The following MEGF11 variants were observed in gnomAD, a reference collection of about 807,000 sequenced individuals.
The protein encoded by MEGF11 is multiple epidermal growth factor-like domains protein 11.
MEGF11 carries 126 observed loss-of-function variants against 146.6 expected under a neutral mutation model. The observed-to-expected ratio is 0.86, with a 90% CI of 0.74 to 1.00. The LOEUF (loss-of-function observed/expected upper bound fraction) is 1.00, where lower values mean the gene tolerates loss of function less well. Among genes scored for constraint, MEGF11 ranks in the 50% least tolerant of loss-of-function variants. MEGF11 has a pLI of 0.00. For missense variants in MEGF11, 1,509 were observed against 1,521.2 expected, an observed-to-expected ratio of 0.99 and a Z score of 0.13; for synonymous variants, 532 against 583.4, an observed-to-expected ratio of 0.91 and a Z score of 1.27.
intron 15 of MEGF11, chr15:65,921,645 G>C (rs1324522050): frequency 6.6e-6 from 1 of 152,302 alleles, no homozygotes; most frequent in African/African-American, 2.4e-5. Context: ...CAATATTTGG[G>C]AATTTTGTGA....
chr15:65,927,823 C>T (rs930616022), intron 13 of MEGF11, among the ~76,000 whole-genome samples: 2 of 152,144 alleles, frequency 1.3e-5, no homozygotes, highest in Non-Finnish European at 2.9e-5. Context: ...ATCCCGTGGG[C>T]CCTGGGCCAT....
chr15:66,006,870 G>C (rs2082536587), intron 5 of MEGF11, among the ~76,000 whole-genome samples: 1 of 152,216 alleles, frequency 6.6e-6, no homozygotes. Context: ...CACATAATGG[G>C]AGGGAGACCT....
intron 5 of MEGF11, among the ~76,000 whole-genome samples, chr15:66,083,738 A>G (rs1474499491): frequency 1.3e-5 from 2 of 152,200 alleles, no homozygotes; most frequent in East Asian, 3.9e-4. Context: ...ACATAGTGAG[A>G]TCCTGTATTT....
chr15:66,000,930 A>G (rs950207376), intron 5 of MEGF11, among the ~76,000 whole-genome samples: 1 of 152,062 alleles, frequency 6.6e-6, no homozygotes, highest in African/African-American at 2.4e-5. Context: ...CTGGAGGGAG[A>G]GTGGGCTTAA....
At chr15:65,938,415 G>A (rs1202116561) in intron 10 of MEGF11, among the ~76,000 whole-genome samples, 1 of 152,208 alleles carries the variant, frequency 6.6e-6, no homozygotes, top group Non-Finnish European at 1.5e-5. Flanking sequence ...TGCCACCTAA[G>A]CACAGAGCAA....
chr15:66,245,547 G>A (rs983524163), intron 1 of MEGF11, among the ~76,000 whole-genome samples: 1 of 151,832 alleles, frequency 6.6e-6, no homozygotes, highest in East Asian at 1.9e-4. Context: ...CGGGAAGATA[G>A]CTTGAGCCCA....
Position 65,982,209 on chromosome 15 carries a change from TCCCGCCCCTCCA to T in MEGF11, c.641+21_641+32del, listed in dbSNP as rs1202420963. On this transcript the variant is annotated intron_variant, in intron 6 of 25. Coordinates refer to ENST00000395614, the MANE Select transcript of MEGF11 (RefSeq NM_001385028.1). The surrounding 1 kb of genome is among the most constrained non-coding windows in gnomAD (Gnocchi z 5.6). ...ACCCTCCAGGTCCCGCCCCTCCAGG[TCCCGCCCCTCCA>T]GGTCCTGCCGCATGACTCACTAGAC... is the stretch of plus-strand genomic sequence containing the variant. 4.0e-6 allele frequency: 5 copies of T among 1,250,768 alleles called. No homozygotes were observed. In the African/African-American group the frequency reaches 8.4e-5, roughly 21 times the overall value. The allele number at this position is 1,250,768 out of a possible 1,614,324, so 77.5% of individuals were successfully genotyped here.
intron 7 of MEGF11, among the ~76,000 whole-genome samples, chr15:65,976,371 G>A (rs2081447491): frequency 6.6e-6 from 1 of 152,162 alleles, no homozygotes; most frequent in Non-Finnish European, 1.5e-5. Context: ...TTAACCTCCA[G>A]TACCTCAGAA....
chr15:66,055,767 C>T (rs564761296), intron 5 of MEGF11, among the ~76,000 whole-genome samples: 12 of 152,254 alleles, frequency 7.9e-5, no homozygotes, highest in African/African-American at 1.9e-4. Flanking sequence ...AAGCCTCACG[C>T]GGCCGCACTG....
intron 5 of MEGF11, among the ~76,000 whole-genome samples, chr15:66,074,600 G>A (rs1009195724): frequency 1.9e-4 from 29 of 152,306 alleles, no homozygotes; most frequent in African/African-American, 5.8e-4. Flanking sequence ...TTAAAATATC[G>A]GTGTGTGAAA....
intron 1 of MEGF11, among the ~76,000 whole-genome samples, chr15:66,231,448 C>T (rs1306239111): frequency 6.6e-6 from 1 of 151,574 alleles, no homozygotes; most frequent in Non-Finnish European, 1.5e-5. Context: ...GCACATGAGG[C>T]CCTTCCTGGG....
rs1045129043 is a variant in MEGF11 at position 66,184,045 on chromosome 15, G to C, written c.-8-55634C>G. ...AAAATGCATACTAATATATAAAAAT[G>C]AAAGGCAGATCAGTGGGTGCCTGGA... On this transcript the variant is annotated intron_variant, in intron 1 of 25. Coordinates refer to ENST00000395614, the MANE Select transcript of MEGF11 (RefSeq NM_001385028.1). Among the ~76,000 whole-genome samples, 6 of 152,096 alleles carry C rather than the reference G, an allele frequency of 3.9e-5. 1 individual carries two copies. The highest frequency in any genetic ancestry group is 1.3e-4 in the Admixed American group (2 of 15,266).
chr15:66,078,434 C>T (rs1399259333), intron 5 of MEGF11, among the ~76,000 whole-genome samples: 1 of 152,228 alleles, frequency 6.6e-6, no homozygotes, highest in East Asian at 1.9e-4. Flanking sequence ...CTAACCCCAC[C>T]TTATGGGGCT....
intron 5 of MEGF11, among the ~76,000 whole-genome samples, chr15:66,000,019 A>G (rs539794789): frequency 6.6e-6 from 1 of 152,248 alleles, no homozygotes; most frequent in East Asian, 1.9e-4. Flanking sequence ...TGCTTAACCC[A>G]CCGGACCTCT....
At chr15:66,136,528 C>A (rs1306142283) in intron 1 of MEGF11, among the ~76,000 whole-genome samples, 1 of 152,136 alleles carries the variant, frequency 6.6e-6, no homozygotes, top group African/African-American at 2.4e-5. Context: ...TCCCGACCGA[C>A]CTAGGCCAGG....
rs180878959 is a variant in MEGF11, at chr15:66,002,102, G to T, written c.395-19614C>A. ...GGTGAGCACAGATCTTTTCGACTCA[G>T]TGTAAAAGTGGATCTGTTACAGGTT... On this transcript the variant is annotated intron_variant, in intron 5 of 25. Coordinates refer to ENST00000395614, the MANE Select transcript of MEGF11 (RefSeq NM_001385028.1). 1.9e-3 allele frequency among the ~76,000 whole-genome samples: 296 copies of T among 152,274 alleles called. 1 individual carries two copies. Among genetic ancestry groups the T allele is most frequent in the Non-Finnish European group, 2.6e-3 (177 of 68,020 alleles).
chr15:66,122,967 TAG>T (rs2088118526), intron 3 of MEGF11, among the ~76,000 whole-genome samples: 1 of 152,098 alleles, frequency 6.6e-6, no homozygotes, highest in Non-Finnish European at 1.5e-5. Flanking sequence ...GTATTTTTAG[TAG>T]AGACGGGGTT....
chr15:65,984,001 T>C (rs890443233), intron 5 of MEGF11, among the ~76,000 whole-genome samples: 11 of 152,132 alleles, frequency 7.2e-5, no homozygotes, highest in Non-Finnish European at 1.5e-4. Flanking sequence ...AAGCGGTCAA[T>C]GTCATGGAGC....
At chr15:66,023,833 G>A (rs1257545973) in intron 5 of MEGF11, among the ~76,000 whole-genome samples, 1 of 152,190 alleles carries the variant, frequency 6.6e-6, no homozygotes, top group Non-Finnish European at 1.5e-5. Context: ...AACCAGCTGG[G>A]GCACAGCCCT....
Sources: gnomAD v4.1 joint callset for allele counts (sites outside exome capture counted in the v4.1 genomes callset) on GRCh38, gnomAD v4.1.1 for gene constraint, Gnocchi (gnomAD v3.1) non-coding constraint, MANE v1.5 for transcripts, NCBI Gene and HGNC (gene_info 2026-07-23, HGNC 2026-07-21) for gene names.